The following CCDC149 variants were observed in gnomAD, a reference collection of about 807,000 sequenced individuals.
CCDC149 encodes the protein coiled-coil domain containing 149.
A neutral mutation model predicts 59.9 loss-of-function variants in CCDC149; 45 were observed. The ratio of observed to expected loss-of-function variants is 0.75; its 90% confidence interval spans 0.59 to 0.96. CCDC149 has a LOEUF of 0.96. Among genes scored for constraint, CCDC149 ranks in the 40% least tolerant of loss-of-function variants. The pLI, the probability that CCDC149 is intolerant of heterozygous loss-of-function variation, is 0.00. For missense variants in CCDC149, 584 were observed against 664.7 expected, an observed-to-expected ratio of 0.88 and a Z score of 1.33; for synonymous variants, 245 against 260.6, an observed-to-expected ratio of 0.94 and a Z score of 0.58.
intron 1 of CCDC149, among the ~76,000 whole-genome samples, chr4:24,892,573 C>T (rs1301026303): frequency 3.3e-5 from 5 of 152,158 alleles, no homozygotes; most frequent in East Asian, 1.9e-4. Flanking sequence ...ACCATAGAAG[C>T]GTCAGCCAAA....
intron 2 of CCDC149, among the ~76,000 whole-genome samples, chr4:24,874,256 TTTTGTTTTG>T (rs1415017598): frequency 1.8e-5 from 1 of 55,578 alleles, no homozygotes; most frequent in African/African-American, 8.5e-5. Context: ...TTTTTTTTTT[TTTTGTTTTG>T]TTTTTTTTTG....
intron 3 of CCDC149, among the ~76,000 whole-genome samples, chr4:24,856,566 G>A (rs2109194410): frequency 6.6e-6 from 1 of 152,322 alleles, no homozygotes; most frequent in East Asian, 1.9e-4. Context: ...CCAGACAGGG[G>A]AAAAGGCAAA....
chr4:24,854,981 C>A (rs800463), intron 3 of CCDC149, among the ~76,000 whole-genome samples: 130,483 of 152,122 alleles, frequency 0.86, 56,007 homozygotes, highest in South Asian at 0.91. Context: ...TGCTACCTTA[C>A]CTTTTTTTCT....
At chr4:24,931,188 GTA>G (rs968782903) in intron 1 of CCDC149, among the ~76,000 whole-genome samples, 4 of 147,800 alleles carry the variant, frequency 2.7e-5, no homozygotes, top group African/African-American at 5.0e-5. Flanking sequence ...GTATATGTGT[GTA>G]TATATATATA....
chr4:24,939,735 C>G, intron 1 of CCDC149, among the ~76,000 whole-genome samples: 1 of 152,164 alleles, frequency 6.6e-6, no homozygotes, highest in East Asian at 1.9e-4. Flanking sequence ...AGCACGAGAA[C>G]TACGCGACGA....
intron 1 of CCDC149, among the ~76,000 whole-genome samples, chr4:24,881,448 T>TA (rs1473883314): frequency 6.6e-6 from 1 of 152,220 alleles, no homozygotes; most frequent in East Asian, 1.9e-4. Context: ...CACAGGTTGC[T>TA]ATAGGGTTGC....
chr4:24,851,339 T>C (rs1717642002), intron 4 of CCDC149, among the ~76,000 whole-genome samples: 1 of 152,232 alleles, frequency 6.6e-6, no homozygotes, highest in African/African-American at 2.4e-5. Context: ...CATGGTTCTC[T>C]GTAGCCTCAA....
At chr4:24,817,351 C>T (rs554817811) in intron 12 of CCDC149, among the ~76,000 whole-genome samples, 35 of 152,104 alleles carry the variant, frequency 2.3e-4, no homozygotes, top group Non-Finnish European at 4.7e-4. Context: ...GCTGCAAAGA[C>T]CCAGCCTTGC....
At chr4:24,821,139 A>AT (rs1715364580) in intron 10 of CCDC149, 52 bp from the exon 11 acceptor site, 1 of 1,101,216 alleles carries the variant, frequency 9.1e-7, no homozygotes, top group Non-Finnish European at 1.2e-6. Context: ...CATAATAGCC[A>AT]TTTGAAGTTG....
upstream of CCDC149, among the ~76,000 whole-genome samples, chr4:24,914,236 C>A (rs957072308): frequency 2.0e-5 from 3 of 152,022 alleles, no homozygotes; most frequent in Admixed American, 6.6e-5. Context: ...AAAGTTTGTT[C>A]TTGGCCTTGT....
chr4:24,804,508 AAG>A, downstream of CCDC149, among the ~76,000 whole-genome samples: 2 of 151,568 alleles, frequency 1.3e-5, no homozygotes, highest in African/African-American at 2.4e-5. Context: ...AAAAAAAAAA[AAG>A]AAGTAGGGTA....
chr4:24,967,001 C>T (rs899606551), intron 1 of CCDC149, among the ~76,000 whole-genome samples: 10 of 152,276 alleles, frequency 6.6e-5, no homozygotes, highest in African/African-American at 2.4e-4. Flanking sequence ...TCTGGGAAAA[C>T]CTGCTTTCAT....
At chr4:24,959,513 A>G (rs887796908) in intron 1 of CCDC149, among the ~76,000 whole-genome samples, 8 of 152,156 alleles carry the variant, frequency 5.3e-5, no homozygotes, top group Admixed American at 1.3e-4. Context: ...ATTTGAATAA[A>G]CGATGGCAAA....
Position 24,912,912 on chromosome 4 carries a change from C to T in CCDC149, c.-33G>A, listed in dbSNP as rs1003575047. The T allele has an allele frequency of 4.0e-5, 50 of 1,262,350 alleles. No individual in the cohort carries two copies. Among genetic ancestry groups the T allele is most frequent in the Non-Finnish European group, 4.8e-5 (47 of 977,422 alleles). The allele number at this position is 1,262,350 out of a possible 1,614,324, so 78.2% of individuals were successfully genotyped here. On this transcript the variant is annotated 5_prime_UTR_variant, in exon 1 of 13. Coordinates refer to ENST00000635206, the MANE Select transcript of CCDC149 (RefSeq NM_001330643.2). The stretch of plus-strand genomic sequence containing the variant: ...CCGGCCTCCTGGACCCCCGCCGCCT[C>T]CTCCTCCTCGCGACGTCGCGTCGCC...
rs940667834 is a variant in CCDC149, at chr4:24,878,231, A to G, written c.64-1534T>C. ...TTTTTTTTCCTAAAAAAAAAAAAAA[A>G]AAAAAAAGAAAGTAATTGCTTAGCT... On this transcript the variant is annotated intron_variant, in intron 1 of 12. Coordinates refer to ENST00000635206, the MANE Select transcript of CCDC149 (RefSeq NM_001330643.2). Among the ~76,000 whole-genome samples, 18 of 151,892 alleles carry G rather than the reference A, an allele frequency of 1.2e-4. No homozygotes were observed. In the East Asian group the frequency reaches 2.5e-3, roughly 21 times the overall value.
At chr4:24,896,037 G>A (rs1720828358) in intron 1 of CCDC149, among the ~76,000 whole-genome samples, 1 of 152,222 alleles carries the variant, frequency 6.6e-6, no homozygotes, top group Admixed American at 6.5e-5. Context: ...TGAGCATGCA[G>A]GGCGCCTGAA....
intron 1 of CCDC149, among the ~76,000 whole-genome samples, chr4:24,885,906 T>A (rs142445870): frequency 1.8e-4 from 27 of 152,340 alleles, no homozygotes; most frequent in African/African-American, 5.8e-4. Flanking sequence ...AAGACCTTCA[T>A]TTGATTATAA....
intron 1 of CCDC149, among the ~76,000 whole-genome samples, chr4:24,969,982 T>A (rs549809601): frequency 6.6e-6 from 1 of 152,366 alleles, no homozygotes; most frequent in East Asian, 1.9e-4. Context: ...GTACTGTCTG[T>A]GCCACCTATT....
chr4:24,936,347 T>G (rs1722779107), intron 1 of CCDC149, among the ~76,000 whole-genome samples: 1 of 151,942 alleles, frequency 6.6e-6, no homozygotes, highest in South Asian at 2.1e-4. Context: ...AATCATTATA[T>G]TATATATATA....
Sources: gnomAD v4.1 joint callset for allele counts (sites outside exome capture counted in the v4.1 genomes callset) on GRCh38, gnomAD v4.1.1 for gene constraint, MANE v1.5 for transcripts, NCBI Gene and HGNC (gene_info 2026-07-23, HGNC 2026-07-21) for gene names.